ADGRB3: variants seen among roughly 807,000 people sequenced by gnomAD.
ADGRB3 encodes the protein adhesion G protein-coupled receptor B3.
ADGRB3 carries 37 observed loss-of-function variants against 193.4 expected under a neutral mutation model. That is an observed-to-expected ratio of 0.19 (90% confidence interval 0.15 to 0.25). ADGRB3 has a LOEUF of 0.25. ADGRB3 is among the 10% of genes least tolerant of loss of function. ADGRB3 has a pLI of 1.00. For synonymous variants in ADGRB3, 690 were observed against 644.2 expected (o/e 1.07, Z -1.08); for missense variants, 1,637 against 1,852.9 (o/e 0.88, Z 2.14).
At chr6:68,778,657 A>G (rs530510721) in intron 3 of ADGRB3, among the ~76,000 whole-genome samples, 1 of 152,106 alleles carries the variant, frequency 6.6e-6, no homozygotes. Flanking sequence ...GAGTTTTTAC[A>G]AAACACCTAC....
At position 68,899,616 on chromosome 6, in the gene ADGRB3, T is replaced by A. The variant is rs896595652; in HGVS notation, c.758-30943T>A. Among the ~76,000 whole-genome samples, 9 of 152,106 alleles carry A rather than the reference T, an allele frequency of 5.9e-5. No individual in the cohort carries two copies. In the South Asian group the frequency reaches 1.2e-3, roughly 21 times the overall value. ...TTCATCCATGTCCCTACAAAAGACA[T>A]GAACTCATCATTTTTTATGGCTGCA... is the stretch of plus-strand genomic sequence containing the variant. On this transcript the variant is annotated intron_variant, in intron 3 of 31. Coordinates refer to ENST00000370598, the MANE Select transcript of ADGRB3 (RefSeq NM_001704.3).
At chr6:68,880,967 A>T (rs1221006171) in intron 3 of ADGRB3, among the ~76,000 whole-genome samples, 1 of 152,228 alleles carries the variant, frequency 6.6e-6, no homozygotes, top group East Asian at 1.9e-4. Context: ...GTCATTAAAA[A>T]GTCGGTGAGA....
At chr6:69,343,672 C>T (rs1023682162) in intron 26 of ADGRB3, among the ~76,000 whole-genome samples, 1 of 151,788 alleles carries the variant, frequency 6.6e-6, no homozygotes, top group African/African-American at 2.4e-5. Flanking sequence ...TCTGGAATAA[C>T]TTTTCTTTTG....
chr6:68,903,666 T>C (rs1171977522), intron 3 of ADGRB3, among the ~76,000 whole-genome samples: 1 of 152,084 alleles, frequency 6.6e-6, no homozygotes, highest in Admixed American at 6.6e-5. Context: ...GCCTAACTGC[T>C]GTCATCTTAG....
At chr6:68,690,587 G>T (rs1765056302) in intron 3 of ADGRB3, among the ~76,000 whole-genome samples, 1 of 151,970 alleles carries the variant, frequency 6.6e-6, no homozygotes, top group African/African-American at 2.4e-5. Flanking sequence ...ATTCTCCTGG[G>T]GTTATGGAAA....
At chr6:68,738,717 C>A (rs1765920670) in intron 3 of ADGRB3, among the ~76,000 whole-genome samples, 2 of 152,082 alleles carry the variant, frequency 1.3e-5, no homozygotes, top group South Asian at 2.1e-4. Context: ...GAGGAAAAAA[C>A]AAATTTTGCA....
At chr6:69,017,299 T>C (rs1770122229) in intron 12 of ADGRB3, among the ~76,000 whole-genome samples, 1 of 151,938 alleles carries the variant, frequency 6.6e-6, no homozygotes, top group East Asian at 1.9e-4. Flanking sequence ...CTTTTCGTCT[T>C]CTGCACTAGT....
chr6:69,233,164 G>A, intron 17 of ADGRB3, 126 bp from the exon 18 acceptor site: 2 of 1,226,792 alleles, frequency 1.6e-6, no homozygotes, highest in Non-Finnish European at 2.3e-6. Context: ...ACAACAAGTA[G>A]ATTTTTTTTT....
intron 3 of ADGRB3, among the ~76,000 whole-genome samples, chr6:68,684,121 A>G (rs915780269): frequency 2.6e-5 from 4 of 152,254 alleles, no homozygotes; most frequent in African/African-American, 9.6e-5. Context: ...TCTAGCTTGG[A>G]ATGTTAGTTT....
chr6:68,871,683 T>G (rs1765459386), intron 3 of ADGRB3, among the ~76,000 whole-genome samples: 1 of 152,158 alleles, frequency 6.6e-6, no homozygotes, highest in Non-Finnish European at 1.5e-5. Flanking sequence ...TTTGAAGTTT[T>G]TAATAAAGGA....
chr6:69,293,138 C>T (rs1208079484), intron 20 of ADGRB3, among the ~76,000 whole-genome samples: 2 of 152,208 alleles, frequency 1.3e-5, no homozygotes, highest in African/African-American at 2.4e-5. Flanking sequence ...AAAGCCCATA[C>T]ATCTATGTCT....
intron 17 of ADGRB3, among the ~76,000 whole-genome samples, chr6:69,200,974 A>G (rs117034601): frequency 6.6e-5 from 10 of 152,132 alleles, no homozygotes; most frequent in African/African-American, 2.2e-4. Flanking sequence ...AAATTTATTT[A>G]ATAAGCAACA....
intron 3 of ADGRB3, among the ~76,000 whole-genome samples, chr6:68,812,833 A>G (rs763030319): frequency 6.9e-5 from 10 of 144,760 alleles, no homozygotes; most frequent in Non-Finnish European, 1.1e-4. Flanking sequence ...TAGCCCCCCA[A>G]CCCCCCACAG....
chr6:69,269,278 A>G (rs1767118445), intron 20 of ADGRB3, among the ~76,000 whole-genome samples: 1 of 152,336 alleles, frequency 6.6e-6, no homozygotes, highest in Non-Finnish European at 1.5e-5. Context: ...GTTCAGAATG[A>G]AACCTGAATA....
At chr6:68,758,585 T>G (rs1766340169) in intron 3 of ADGRB3, among the ~76,000 whole-genome samples, 1 of 152,138 alleles carries the variant, frequency 6.6e-6, no homozygotes, top group African/African-American at 2.4e-5. Flanking sequence ...GTCCTATGGT[T>G]AAGTCCCAGG....
chr6:69,007,062 A>C (rs1458988528), intron 11 of ADGRB3, among the ~76,000 whole-genome samples: 2 of 152,058 alleles, frequency 1.3e-5, no homozygotes, highest in Non-Finnish European at 2.9e-5. Context: ...ACTCAATTTG[A>C]ACAAAACAAA....
chr6:69,049,382 A>AT (rs772063644), intron 15 of ADGRB3, 36 bp downstream of exon 15: 7 of 1,445,898 alleles, frequency 4.8e-6, no homozygotes, highest in Non-Finnish European at 6.7e-6. Context: ...GTAATTTTGT[A>AT]AATTATTCCA....
At chr6:69,101,346 C>T (rs989305420) in intron 17 of ADGRB3, among the ~76,000 whole-genome samples, 1 of 151,836 alleles carries the variant, frequency 6.6e-6, no homozygotes, top group African/African-American at 2.4e-5. Context: ...TAAAACAGTT[C>T]TATCTCTTTG....
chr6:69,370,777 A>G (rs1007613849), intron 29 of ADGRB3, among the ~76,000 whole-genome samples: 4 of 152,132 alleles, frequency 2.6e-5, no homozygotes, highest in African/African-American at 9.7e-5. Context: ...ATTTTGCTGT[A>G]TTAAGAAAGA....
Sources: gnomAD v4.1 joint callset for allele counts (sites outside exome capture counted in the v4.1 genomes callset) on GRCh38, gnomAD v4.1.1 for gene constraint, MANE v1.5 for transcripts, NCBI Gene and HGNC (gene_info 2026-07-23, HGNC 2026-07-21) for gene names.